Variants in PAX2 observed in about 807,000 individuals in gnomAD.
The protein encoded by PAX2 is paired box protein Pax-2.
A neutral mutation model predicts 41.7 loss-of-function variants in PAX2; 9 were observed. The observed-to-expected ratio is 0.22, with a 90% CI of 0.13 to 0.38. The LOEUF (loss-of-function observed/expected upper bound fraction) is 0.38. PAX2 is among the 10% of genes least tolerant of loss of function. The probability of loss-of-function intolerance (pLI) is 1.00; values close to 1 mark genes in which losing one functional copy is unlikely to be tolerated. For missense variants in PAX2, 418 were observed against 531.6 expected, an observed-to-expected ratio of 0.79 and a Z score of 2.10; for synonymous variants, 221 against 212.7, an observed-to-expected ratio of 1.04 and a Z score of -0.34.
At chr10:100,784,724 A>G (rs1289098160) in intron 5 of PAX2, among the ~76,000 whole-genome samples, 1 of 152,218 alleles carries the variant, frequency 6.6e-6, no homozygotes, top group Non-Finnish European at 1.5e-5. Context: ...GGCACTCGGA[A>G]TATGGACAGT....
chr10:100,737,063 C>T (rs1438805202), intron 1 of PAX2, among the ~76,000 whole-genome samples: 1 of 152,196 alleles, frequency 6.6e-6, no homozygotes, highest in Non-Finnish European at 1.5e-5. Flanking sequence ...TCTATTTTGC[C>T]CCTTGATACC....
At chr10:100,790,807 C>T (rs1847084470) in intron 5 of PAX2, among the ~76,000 whole-genome samples, 1 of 152,170 alleles carries the variant, frequency 6.6e-6, no homozygotes, top group Non-Finnish European at 1.5e-5. Context: ...CCATGGTGGC[C>T]TTAGGGCTGT....
At chr10:100,793,603 A>G (rs1847216916) in intron 5 of PAX2, among the ~76,000 whole-genome samples, 2 of 152,134 alleles carry the variant, frequency 1.3e-5, no homozygotes, top group Admixed American at 6.5e-5. Flanking sequence ...TGCTGGTACA[A>G]TTCCCCGGGG....
intron 3 of PAX2, among the ~76,000 whole-genome samples, chr10:100,752,043 T>C (rs528357366): frequency 6.6e-6 from 1 of 152,370 alleles, no homozygotes; most frequent in East Asian, 1.9e-4. Flanking sequence ...GCAAATGATA[T>C]GGAATTATCC....
chr10:100,806,207 C>T (rs1309530541), intron 5 of PAX2, among the ~76,000 whole-genome samples: 1 of 152,174 alleles, frequency 6.6e-6, no homozygotes, highest in Non-Finnish European at 1.5e-5. Context: ...CATCTCTTAC[C>T]AGGTCCTCAG....
intron 5 of PAX2, among the ~76,000 whole-genome samples, chr10:100,800,409 G>T (rs1325951268): frequency 6.6e-6 from 1 of 151,348 alleles, no homozygotes; most frequent in Non-Finnish European, 1.5e-5. Context: ...CTCCTGAGTA[G>T]CTGAGCCACA....
At chr10:100,795,104 A>G (rs917620492) in intron 5 of PAX2, among the ~76,000 whole-genome samples, 1 of 152,258 alleles carries the variant, frequency 6.6e-6, no homozygotes, top group Admixed American at 6.5e-5. Context: ...TGAGCCCAAC[A>G]GCCATCAATC....
intron 7 of PAX2, among the ~76,000 whole-genome samples, chr10:100,822,551 C>T (rs1368197973): frequency 6.6e-6 from 1 of 152,156 alleles, no homozygotes; most frequent in Admixed American, 6.5e-5. Flanking sequence ...CCTCAGGTTG[C>T]TTATGATCTG....
In PAX2 at chr10:100,749,043, C is replaced by T. The variant is rs893862563; in HGVS notation, c.44-703C>T. ...GACCCCGGGCCCCTGCCTCATCCGC[C>T]TTCCTTGCTCTACTTCAGATACTAA... On this transcript the variant is annotated intron_variant, in intron 1 of 9. Transcript: ENST00000355243. The T allele has an allele frequency of 3.0e-6, 3 of 985,376 alleles. No homozygotes were observed. In the African/African-American group the frequency reaches 5.2e-5, roughly 17 times the overall value. 61.0% of individuals were successfully genotyped at this position (985,376 alleles called of 1,614,324 possible). A position where few individuals can be genotyped will look rare whatever the true frequency, so the allele number is the denominator to read the frequency against.
intron 5 of PAX2, among the ~76,000 whole-genome samples, chr10:100,798,363 A>T (rs1250202782): frequency 1.3e-5 from 2 of 151,690 alleles, no homozygotes; most frequent in African/African-American, 2.4e-5. Context: ...CAATCTGCCC[A>T]CCTCGGCCTC....
chr10:100,789,028 C>T (rs1419531467), intron 5 of PAX2, among the ~76,000 whole-genome samples: 1 of 152,130 alleles, frequency 6.6e-6, no homozygotes, highest in Non-Finnish European at 1.5e-5. Flanking sequence ...TCTGCTTTTG[C>T]TCTCCTCCCA....
upstream of PAX2, among the ~76,000 whole-genome samples, chr10:100,745,557 GAC>G (rs1564702884): frequency 6.6e-6 from 1 of 152,038 alleles, no homozygotes; most frequent in Non-Finnish European, 1.5e-5. Context: ...CTTTTAGAGA[GAC>G]ACACACCGGG....
At chr10:100,805,356 C>A (rs940970151) in intron 5 of PAX2, among the ~76,000 whole-genome samples, 59 of 152,184 alleles carry the variant, frequency 3.9e-4, no homozygotes, top group Non-Finnish European at 3.7e-4. Context: ...TGGGCTGGCC[C>A]CAGGCCCAAG....
At chr10:100,737,400 G>A (rs950403260) in intron 1 of PAX2, among the ~76,000 whole-genome samples, 2 of 152,264 alleles carry the variant, frequency 1.3e-5, no homozygotes, top group African/African-American at 4.8e-5. Flanking sequence ...GGGCCTGACG[G>A]GTTAGGGCGG....
intron 3 of PAX2, among the ~76,000 whole-genome samples, chr10:100,774,141 C>T (rs1846305551): frequency 6.6e-6 from 1 of 152,184 alleles, no homozygotes; most frequent in Non-Finnish European, 1.5e-5. Context: ...GCCTGGTGCT[C>T]TCTTAAAAGG....
Position 100,824,800 on chromosome 10 carries a change from T to C in PAX2, c.1021+51T>C. Reference sequence around the variant, plus strand: ...AATCTAGGTGGGGGGAACTAAATTGTGGGTGAGCTGCTGAATGGTCTGTAG... The same window carrying C: ...AATCTAGGTGGGGGGAACTAAATTGCGGGTGAGCTGCTGAATGGTCTGTAG... On this transcript the variant is annotated intron_variant, in intron 8 of 9. Transcript: ENST00000355243. This position sits in a 1 kb window ranked among gnomAD's most constrained non-coding sequence, Gnocchi z 6.6. 1.3e-6 allele frequency: 2 copies of C among 1,498,708 alleles called. No homozygotes were observed. The highest frequency in any genetic ancestry group is 1.9e-6 in the Non-Finnish European group (2 of 1,074,960). The allele number at this position is 1,498,708 out of a possible 1,614,324, so 92.8% of individuals were successfully genotyped here.
chr10:100,770,899 T>G (rs1345191536), intron 3 of PAX2, among the ~76,000 whole-genome samples: 3 of 152,222 alleles, frequency 2.0e-5, no homozygotes, highest in Non-Finnish European at 2.9e-5. Flanking sequence ...AGAAAGGAAC[T>G]TTCTTAACTC....
Position 100,746,089 on chromosome 10 carries a change from C to A in PAX2, c.-172C>A, listed in dbSNP as rs1161617161. 4.6e-6 allele frequency: 7 copies of A among 1,517,040 alleles called. No individual in the cohort carries two copies. In the African/African-American group the frequency reaches 9.7e-5, roughly 21 times the overall value. 94.0% of individuals were successfully genotyped at this position (1,517,040 alleles called of 1,614,324 possible). The stretch of plus-strand genomic sequence containing the variant: ...AAGCTCCGGCCAACCCGGAGGAGCC[C>A]CAGCGGGGAGCGCAGTGCTGCGCCC... On this transcript the variant is annotated 5_prime_UTR_variant, in exon 1 of 10. Coordinates refer to ENST00000355243, the MANE Select transcript of PAX2 (RefSeq NM_000278.5).
intron 3 of PAX2, among the ~76,000 whole-genome samples, chr10:100,759,605 A>G (rs1845764083): frequency 6.6e-6 from 1 of 152,006 alleles, no homozygotes; most frequent in Non-Finnish European, 1.5e-5. Flanking sequence ...TGCCTGAACC[A>G]CAGATTTCTC....
Sources: gnomAD v4.1 joint callset for allele counts (sites outside exome capture counted in the v4.1 genomes callset) on GRCh38, gnomAD v4.1.1 for gene constraint, Gnocchi (gnomAD v3.1) non-coding constraint, MANE v1.5 for transcripts, NCBI Gene and HGNC (gene_info 2026-07-23, HGNC 2026-07-21) for gene names.